ZSCAN5A: variants seen among roughly 807,000 people sequenced by gnomAD.
ZSCAN5A encodes zinc finger and SCAN domain containing 5A.
A neutral mutation model predicts 23.7 loss-of-function variants in ZSCAN5A; 12 were observed. That is an observed-to-expected ratio of 0.51 (90% confidence interval 0.32 to 0.82). The LOEUF (loss-of-function observed/expected upper bound fraction) is 0.82, where lower values mean the gene tolerates loss of function less well. ZSCAN5A is among the 40% of genes least tolerant of loss of function. The pLI, the probability that ZSCAN5A is intolerant of heterozygous loss-of-function variation, is 0.03. For missense variants in ZSCAN5A, 597 were observed against 617.9 expected, an observed-to-expected ratio of 0.97 and a Z score of 0.36; for synonymous variants, 257 against 239.9, an observed-to-expected ratio of 1.07 and a Z score of -0.66.
intron 2 of ZSCAN5A, among the ~76,000 whole-genome samples, chr19:56,344,656 C>A (rs952562728): frequency 9.2e-5 from 14 of 151,678 alleles, no homozygotes; most frequent in Non-Finnish European, 1.3e-4. Flanking sequence ...GTAATCCCAG[C>A]ACTTTGGGAG....
At chr19:56,353,779 C>T (rs1360647867) in intron 2 of ZSCAN5A, among the ~76,000 whole-genome samples, 1 of 151,200 alleles carries the variant, frequency 6.6e-6, no homozygotes, top group Non-Finnish European at 1.5e-5. Flanking sequence ...GAGACTCTGT[C>T]TCAAAAAATA....
intron 2 of ZSCAN5A, among the ~76,000 whole-genome samples, chr19:56,279,289 T>C (rs1391506548): frequency 1.3e-5 from 2 of 152,162 alleles, no homozygotes; most frequent in African/African-American, 2.4e-5. Context: ...CTCTTTTTTT[T>C]CCACCCCTAC....
intron 2 of ZSCAN5A, chr19:56,302,816 TG>T: frequency 2.5e-6 from 1 of 398,720 alleles, no homozygotes; most frequent in Admixed American, 4.4e-5. Flanking sequence ...CCTCTCTCTC[TG>T]CCGCTGTCTC....
rs765481925 is a variant in ZSCAN5A, at chr19:56,224,879, C to T, written c.168G>A (p.Ser56=). Residue 56 remains serine, a synonymous_variant, in exon 3 of 6, where the codon TCG becomes TCA. Transcript: ENST00000683990. ...GTTTCCTCAGAGCCTGGATGGGGTC[C>T]GACTCCTTCGGGCAGCTGAACATCC... ...NFRMFSCPKE[S]DPIQALRKLT... is the part of the protein sequence containing the mutation. 5.8e-5 allele frequency: 94 copies of T among 1,613,950 alleles called. No homozygotes were observed. The highest frequency in any genetic ancestry group is 1.6e-4 in the Middle Eastern group (1 of 6,082).
intron 2 of ZSCAN5A, among the ~76,000 whole-genome samples, chr19:56,229,648 G>T (rs1336634008): frequency 6.6e-6 from 1 of 152,182 alleles, no homozygotes; most frequent in Non-Finnish European, 1.5e-5. Context: ...CTGTGAAGCT[G>T]CCGTTGGTAT....
At chr19:56,313,751 A>C (rs1325026038) in intron 1 of ZSCAN5A, among the ~76,000 whole-genome samples, 5 of 152,172 alleles carry the variant, frequency 3.3e-5, no homozygotes, top group Non-Finnish European at 7.4e-5. Flanking sequence ...GCCTTTGTAC[A>C]TTTAATTATC....
intron 2 of ZSCAN5A, chr19:56,280,516 T>C (rs2038612425): frequency 6.6e-6 from 1 of 152,318 alleles, no homozygotes; most frequent in South Asian, 2.1e-4. Context: ...TATCTATATA[T>C]AGATATATAT....
intron 2 of ZSCAN5A, among the ~76,000 whole-genome samples, chr19:56,231,282 A>AC (rs2034440492): frequency 6.6e-6 from 1 of 152,230 alleles, no homozygotes; most frequent in Non-Finnish European, 1.5e-5. Flanking sequence ...CTCATATGTC[A>AC]AATTATTAGA....
At chr19:56,227,738 G>T (rs114538528) in intron 2 of ZSCAN5A, among the ~76,000 whole-genome samples, 1,526 of 152,216 alleles carry the variant, frequency 0.01, 21 homozygotes, top group African/African-American at 0.034. Context: ...CCTGTGCAAA[G>T]GGAAAATCCA....
At chr19:56,238,198 C>T (rs1017023561) in intron 2 of ZSCAN5A, among the ~76,000 whole-genome samples, 7 of 151,764 alleles carry the variant, frequency 4.6e-5, no homozygotes, top group Admixed American at 1.3e-4. Flanking sequence ...AAAAGCAAGC[C>T]AGGGGTTGTG....
At chr19:56,328,938 T>A (rs1332634693) in intron 2 of ZSCAN5A, among the ~76,000 whole-genome samples, 3 of 145,988 alleles carry the variant, frequency 2.1e-5, no homozygotes, top group Non-Finnish European at 4.5e-5. Context: ...GAGCTTGCAG[T>A]GAGCCGAGAT....
In ZSCAN5A at chr19:56,247,076, A is replaced by G. The variant is rs760088916; in HGVS notation, c.-127-21903T>C. 23 of 743,150 alleles carry G rather than the reference A, an allele frequency of 3.1e-5. No individual in the cohort carries two copies. The Admixed American group carries it at 4.7e-4, about 15-fold the overall frequency. The allele number at this position is 743,150 out of a possible 1,614,324, so 46.0% of individuals were successfully genotyped here. ...CTGCCCTTTGCATGTGGCGTGTGCA[A>G]TAAGAGGTTTACGTGTAATTCCAAG... On this transcript the variant is annotated intron_variant, in intron 2 of 5. Coordinates refer to ENST00000683990, the MANE Select transcript of ZSCAN5A (RefSeq NM_001322064.3).
chr19:56,257,438 A>G (rs1003437473), intron 2 of ZSCAN5A, among the ~76,000 whole-genome samples: 2 of 152,140 alleles, frequency 1.3e-5, no homozygotes, highest in Non-Finnish European at 2.9e-5. Context: ...GCAGTACTAA[A>G]CAGACCATTG....
At chr19:56,275,165 C>A (rs1405494008) in intron 2 of ZSCAN5A, among the ~76,000 whole-genome samples, 1 of 152,136 alleles carries the variant, frequency 6.6e-6, no homozygotes, top group Non-Finnish European at 1.5e-5. Flanking sequence ...TACTATTTTC[C>A]CCCTTTGTAA....
chr19:56,337,370 G>A (rs987835753), intron 2 of ZSCAN5A, among the ~76,000 whole-genome samples: 2 of 152,232 alleles, frequency 1.3e-5, no homozygotes, highest in Non-Finnish European at 2.9e-5. Flanking sequence ...GTGGGTGTAG[G>A]ACCCTCCAAG....
intron 2 of ZSCAN5A, among the ~76,000 whole-genome samples, chr19:56,300,681 C>T (rs189141969): frequency 3.3e-5 from 5 of 152,276 alleles, no homozygotes; most frequent in African/African-American, 9.6e-5. Flanking sequence ...AAGGAGTAAT[C>T]GCTTCCTGAA....
rs1555811869 is a variant in ZSCAN5A at position 56,329,006 on chromosome 19, A to AAAAT, written c.-357-12742_-357-12739dup. On this transcript the variant is annotated intron_variant, in intron 2 of 6. Coordinates refer to the ZSCAN5A transcript ENST00000587340. ...CGAGACTCCGTCTCAAAAAAAAAAA[A>AAAAT]AAATAAATAAATAAATAAATAAAAG... 8.6e-3 allele frequency among the ~76,000 whole-genome samples: 1,237 copies of AAAAT among 144,500 alleles called. 16 individuals are homozygous for AAAAT. Among genetic ancestry groups the AAAAT allele is most frequent in the African/African-American group, 0.027 (1,015 of 37,290 alleles). 94.8% of individuals were successfully genotyped at this position (144,500 alleles called of 152,430 possible).
intron 2 of ZSCAN5A, among the ~76,000 whole-genome samples, chr19:56,307,041 C>T (rs1460922500): frequency 5.3e-5 from 2 of 37,470 alleles, no homozygotes; most frequent in South Asian, 1.2e-3. Flanking sequence ...GGGTCCCCCC[C>T]GGCCTCTCCC....
At chr19:56,290,709 C>T (rs1331490720) in intron 2 of ZSCAN5A, among the ~76,000 whole-genome samples, 1 of 152,144 alleles carries the variant, frequency 6.6e-6, no homozygotes, top group East Asian at 1.9e-4. Context: ...AATATAAATA[C>T]ATAAACAGTT....
Sources: allele counts gnomAD v4.1 joint callset (sites outside exome capture counted in the v4.1 genomes callset), GRCh38; gene constraint gnomAD v4.1.1; transcripts MANE v1.5; gene names NCBI Gene and HGNC (gene_info 2026-07-23, HGNC 2026-07-21).